The following OPTN variants were observed in gnomAD, a reference collection of about 807,000 sequenced individuals.
OPTN encodes E3-14.7K-interacting protein.
A neutral mutation model predicts 70.4 loss-of-function variants in OPTN; 54 were observed. The observed-to-expected ratio is 0.77, with a 90% confidence interval of 0.62 to 0.96. The LOEUF is 0.96. Among genes scored for constraint, OPTN ranks in the 40% least tolerant of loss-of-function variants. The probability of loss-of-function intolerance (pLI) is 0.00; values close to 1 mark genes in which losing one functional copy is unlikely to be tolerated. For synonymous variants in OPTN, 256 were observed against 248.5 expected (o/e 1.03, Z -0.28); for missense variants, 624 against 673.2 (o/e 0.93, Z 0.81).
At chr10:13,108,319 TTTC>T (rs1225008769) in intron 2 of OPTN, 30 bp downstream of exon 2, 1 of 152,242 alleles carries the variant, frequency 6.6e-6, no homozygotes, top group African/African-American at 2.4e-5. Context: ...TAATTCTCCC[TTTC>T]TTCTTAACCA....
chr10:13,106,561 G>A (rs1832869070), intron 1 of OPTN, among the ~76,000 whole-genome samples: 1 of 152,134 alleles, frequency 6.6e-6, no homozygotes. Context: ...GCCCCTCTTG[G>A]TACTAGCTCT....
chr10:13,108,946 CT>C (rs1459694360), intron 2 of OPTN, 165 bp from the exon 3 acceptor site: 14 of 713,326 alleles, frequency 2.0e-5, no homozygotes, highest in Non-Finnish European at 3.5e-5. Context: ...CTACATATAC[CT>C]TTTTTGTTTA....
chr10:13,112,664 A>T, intron 5 of OPTN, 29 bp downstream of exon 5: 1 of 1,608,696 alleles, frequency 6.2e-7, no homozygotes, highest in Non-Finnish European at 8.5e-7. Context: ...TTTTGTTTTG[A>T]GCAAACTATA....
intron 4 of OPTN, among the ~76,000 whole-genome samples, chr10:13,111,605 G>A (rs570693001): frequency 5.9e-5 from 9 of 152,140 alleles, no homozygotes; most frequent in African/African-American, 2.2e-4. Context: ...GGCTAAGGCA[G>A]GAGAATTGCT....
intron 12 of OPTN, 152 bp downstream of exon 12, chr10:13,128,055 G>A: frequency 1.1e-6 from 1 of 878,834 alleles, no homozygotes; most frequent in Non-Finnish European, 1.8e-6. Flanking sequence ...GAAACATTTG[G>A]AAAGTGCTCA....
At chr10:13,119,113 C>G (rs747965242) in intron 7 of OPTN, 73 bp downstream of exon 7, 130 of 1,319,958 alleles carry the variant, frequency 9.8e-5, no homozygotes, top group Non-Finnish European at 1.3e-4. Context: ...AGATACCATA[C>G]AGTTCACCCA....
chr10:13,133,556 C>T lies in OPTN; in HGVS notation c.1587C>T (p.Asp529=). 1 of 1,614,060 alleles carries T rather than the reference C, an allele frequency of 6.2e-7. No individual in the cohort carries two copies. The highest frequency in any genetic ancestry group is 8.5e-7 in the Non-Finnish European group (1 of 1,179,966). The change falls in exon 14 of 15, where the codon GAC becomes GAT. Residue 529 remains aspartate (D), a synonymous_variant. Transcript: ENST00000378747. The part of the protein sequence containing the change: ...SRHGARTSDS[D]QQAYLVQRGA... ...ATGGGGCGAGAACAAGTGACTCTGA[C>T]CAGCAGGCTTACCTTGTTCAAAGAG...
chr10:13,105,508 T>C (rs577118538), intron 1 of OPTN, among the ~76,000 whole-genome samples: 1 of 152,352 alleles, frequency 6.6e-6, no homozygotes, highest in African/African-American at 2.4e-5. Context: ...TTTCCTCGTA[T>C]GCTTATAAAA....
chr10:13,134,977 T>C (rs1304421306), intron 14 of OPTN, among the ~76,000 whole-genome samples: 2 of 152,152 alleles, frequency 1.3e-5, no homozygotes, highest in African/African-American at 4.8e-5. Flanking sequence ...TCTCTGGCAA[T>C]GGGGTGATTA....
chr10:13,115,463 A>ATT (rs1237422228), intron 5 of OPTN, among the ~76,000 whole-genome samples: 3 of 100,552 alleles, frequency 3.0e-5, no homozygotes, highest in African/African-American at 1.6e-4. Flanking sequence ...TATATTATAT[A>ATT]ATATAGAATA....
Position 13,124,084 on chromosome 10 carries a change from G to T in OPTN, c.972G>T (p.Glu324Asp). The T allele has an allele frequency of 1.2e-6, 2 of 1,611,704 alleles. No individual in the cohort carries two copies. Among genetic ancestry groups the T allele is most frequent in the South Asian group, 2.2e-5 (2 of 90,872 alleles). ...QEAHTKLSEA[E>D]LMKKRLQEKC... is the part of the protein sequence containing the mutation. ...CTCATACAAAACTCAGCGAAGCTGAGCTAATGAAGAAGAGACTTCAAGAAA... is the reference window on the plus strand; with the variant it reads ...CTCATACAAAACTCAGCGAAGCTGATCTAATGAAGAAGAGACTTCAAGAAA... The change falls in exon 9 of 15, where the codon GAG becomes GAT. Residue 324 changes from glutamate (E) to aspartate (D), a missense_variant. Transcript: ENST00000378747.
intron 5 of OPTN, among the ~76,000 whole-genome samples, chr10:13,113,128 T>C (rs1181719939): frequency 6.6e-6 from 1 of 152,114 alleles, no homozygotes; most frequent in African/African-American, 2.4e-5. Context: ...TTCAAGAGAT[T>C]CTCGTGCCTC....
chr10:13,104,968 T>A (rs928989572), intron 1 of OPTN, among the ~76,000 whole-genome samples: 1 of 151,594 alleles, frequency 6.6e-6, no homozygotes, highest in Admixed American at 6.6e-5. Context: ...TGCTACTAAT[T>A]TATGTATTTT....
chr10:13,118,557 C>A (rs991562118), intron 6 of OPTN, among the ~76,000 whole-genome samples: 1 of 152,200 alleles, frequency 6.6e-6, no homozygotes, highest in Non-Finnish European at 1.5e-5. Context: ...GAAAGCTTGG[C>A]ACCTTCAGCC....
chr10:13,111,811 G>A (rs891251604), intron 4 of OPTN, among the ~76,000 whole-genome samples: 1 of 150,296 alleles, frequency 6.7e-6, no homozygotes, highest in Non-Finnish European at 1.5e-5. Flanking sequence ...TCATGGCCAG[G>A]TCCTTAGTTT....
chr10:13,117,170 T>A (rs1833231172), intron 6 of OPTN, among the ~76,000 whole-genome samples: 1 of 144,370 alleles, frequency 6.9e-6, no homozygotes, highest in Non-Finnish European at 1.5e-5. Flanking sequence ...AAGCTCCGCC[T>A]CCCGGGTTCA....
chr10:13,133,959 C>A (rs551491165), intron 14 of OPTN, among the ~76,000 whole-genome samples: 39 of 152,290 alleles, frequency 2.6e-4, no homozygotes, highest in Admixed American at 2.1e-3. Flanking sequence ...CAGGCGTGCA[C>A]CGCCACACCC....
intron 5 of OPTN, among the ~76,000 whole-genome samples, chr10:13,114,953 ATATCTATATT>A: frequency 1.4e-5 from 1 of 69,206 alleles, no homozygotes; most frequent in Non-Finnish European, 2.5e-5. Flanking sequence ...ATATATAGAT[ATATCTATATT>A]TATATATATT....
chr10:13,124,882 T>G (rs1833425282), intron 9 of OPTN, among the ~76,000 whole-genome samples: 1 of 152,236 alleles, frequency 6.6e-6, no homozygotes, highest in Non-Finnish European at 1.5e-5. Flanking sequence ...TCTATATACA[T>G]TGTGTTAAAT....
Sources: gnomAD v4.1 joint callset for allele counts (sites outside exome capture counted in the v4.1 genomes callset) on GRCh38, gnomAD v4.1.1 for gene constraint, MANE v1.5 for transcripts, NCBI Gene and HGNC (gene_info 2026-07-23, HGNC 2026-07-21) for gene names.